The following RASSF8 variants were observed in gnomAD, a reference collection of about 807,000 sequenced individuals.
RASSF8 encodes ras association domain-containing protein 8.
In RASSF8, 22 loss-of-function variants were observed where a neutral mutation model predicts 48.5. That is an observed-to-expected ratio of 0.45 (90% CI 0.32 to 0.65). The LOEUF (loss-of-function observed/expected upper bound fraction) is 0.65, where lower values mean the gene tolerates loss of function less well. RASSF8 is among the 30% of genes least tolerant of loss of function. The probability of loss-of-function intolerance (pLI) is 0.03; values close to 1 mark genes in which losing one functional copy is unlikely to be tolerated. For synonymous variants in RASSF8, 127 were observed against 171.5 expected (o/e 0.74, Z 2.03); for missense variants, 418 against 489.2 (o/e 0.85, Z 1.37).
chr12:25,997,663 A>T (rs769859736), intron 2 of RASSF8, among the ~76,000 whole-genome samples: 4 of 152,132 alleles, frequency 2.6e-5, no homozygotes, highest in South Asian at 4.1e-4. Flanking sequence ...TGCAGAGAAA[A>T]CTACTTGGTA....
chr12:26,078,983 A>G, intron 5 of RASSF8: 1 of 1,506,520 alleles, frequency 6.6e-7, no homozygotes, highest in Admixed American at 2.3e-5. Context: ...AAACAAATTC[A>G]CCAACCTTAA....
At chr12:25,966,320 A>G (rs10842643) in intron 1 of RASSF8, among the ~76,000 whole-genome samples, 9,998 of 152,262 alleles carry the variant, frequency 0.066, 713 homozygotes, top group East Asian at 0.27. Flanking sequence ...TAGTACAGTC[A>G]TAGTTCCCAA....
intron 2 of RASSF8, 77 bp from the exon 3 acceptor site, chr12:26,055,154 ATTTGT>A (rs760434981): frequency 6.9e-6 from 4 of 576,828 alleles, no homozygotes; most frequent in African/African-American, 1.9e-5. Flanking sequence ...ATATGTTAAA[ATTTGT>A]TTTGTGTAAT....
At chr12:26,018,128 T>C (rs1232075546) in intron 2 of RASSF8, among the ~76,000 whole-genome samples, 1 of 152,240 alleles carries the variant, frequency 6.6e-6, no homozygotes, top group Non-Finnish European at 1.5e-5. Flanking sequence ...GAGATGAATC[T>C]TTGAGAATTT....
At chr12:25,982,056 G>A (rs1191969314) in intron 1 of RASSF8, among the ~76,000 whole-genome samples, 1 of 152,112 alleles carries the variant, frequency 6.6e-6, no homozygotes, top group Non-Finnish European at 1.5e-5. Flanking sequence ...TCGAAGATAC[G>A]GGGTACCACT....
At chr12:25,987,468 A>G (rs1941913881) in intron 1 of RASSF8, among the ~76,000 whole-genome samples, 1 of 152,200 alleles carries the variant, frequency 6.6e-6, no homozygotes, top group Admixed American at 6.5e-5. Context: ...ATTCCATACT[A>G]AGGCAGGAAA....
intron 2 of RASSF8, among the ~76,000 whole-genome samples, chr12:26,053,902 G>A (rs1943546891): frequency 6.6e-6 from 1 of 152,212 alleles, no homozygotes; most frequent in Non-Finnish European, 1.5e-5. Context: ...CCCCTTGCAT[G>A]TGTTCTGACT....
intron 2 of RASSF8, among the ~76,000 whole-genome samples, chr12:26,000,982 CTTTTTTTTTTT>C (rs34793650): frequency 1.2e-5 from 1 of 81,054 alleles, no homozygotes; most frequent in Non-Finnish European, 2.2e-5. Flanking sequence ...TTAAAATTTC[CTTTTTTTTTTT>C]TTTTTTTTTT....
intron 2 of RASSF8, among the ~76,000 whole-genome samples, chr12:26,034,579 G>A (rs1379927356): frequency 6.6e-6 from 1 of 152,054 alleles, no homozygotes; most frequent in African/African-American, 2.4e-5. Flanking sequence ...TTTTCAGTGG[G>A]AATGACTAAG....
chr12:25,993,949 A>G (rs1205339596), intron 1 of RASSF8, among the ~76,000 whole-genome samples: 1 of 152,200 alleles, frequency 6.6e-6, no homozygotes, highest in Non-Finnish European at 1.5e-5. Context: ...AGCCATTGGC[A>G]TTTTTATAAC....
chr12:26,049,789 T>C (rs1943451121), intron 2 of RASSF8, among the ~76,000 whole-genome samples: 1 of 152,226 alleles, frequency 6.6e-6, no homozygotes, highest in East Asian at 1.9e-4. Context: ...CGGAATTCTT[T>C]TTTTTGTTTT....
chr12:25,991,470 G>A (rs1942013297), intron 1 of RASSF8, among the ~76,000 whole-genome samples: 1 of 151,718 alleles, frequency 6.6e-6, no homozygotes, highest in African/African-American at 2.4e-5. Flanking sequence ...ATCCAGGAAT[G>A]GCTTGGGTGA....
At chr12:26,009,468 TG>T (rs1207198545) in intron 2 of RASSF8, among the ~76,000 whole-genome samples, 84 of 152,306 alleles carry the variant, frequency 5.5e-4, no homozygotes, top group African/African-American at 2.0e-3. Context: ...CTGGGCATCC[TG>T]TAGTGCACAG....
At chr12:26,059,371 C>T (rs2137267585) in intron 3 of RASSF8, among the ~76,000 whole-genome samples, 1 of 152,304 alleles carries the variant, frequency 6.6e-6, no homozygotes, top group Non-Finnish European at 1.5e-5. Flanking sequence ...CTCTTAGCTT[C>T]ACATGTAAAA....
chr12:26,046,448 A>T (rs140310707), intron 2 of RASSF8, among the ~76,000 whole-genome samples: 1 of 152,180 alleles, frequency 6.6e-6, no homozygotes, highest in East Asian at 1.9e-4. Context: ...TTAATAATTC[A>T]TGTCACATAG....
intron 2 of RASSF8, among the ~76,000 whole-genome samples, chr12:26,031,205 A>G (rs1191462209): frequency 6.6e-6 from 1 of 151,996 alleles, no homozygotes; most frequent in African/African-American, 2.4e-5. Flanking sequence ...TTGAGGTATT[A>G]TGAGGGTTTG....
downstream of RASSF8, among the ~76,000 whole-genome samples, chr12:26,073,590 ATAGCTG>A (rs1944037806): frequency 6.6e-6 from 1 of 151,894 alleles, no homozygotes. Context: ...TAAAAACAAA[ATAGCTG>A]GGCGTGGTGG....
chr12:25,968,867 G>A (rs1941418991), intron 1 of RASSF8, among the ~76,000 whole-genome samples: 1 of 152,212 alleles, frequency 6.6e-6, no homozygotes, highest in South Asian at 2.1e-4. Context: ...TGCTAGGGGT[G>A]GGAGTAGAGG....
chr12:25,977,351 G>A (rs762104520), intron 1 of RASSF8, among the ~76,000 whole-genome samples: 2 of 152,138 alleles, frequency 1.3e-5, no homozygotes, highest in South Asian at 2.1e-4. Context: ...GGCTATAACC[G>A]TGACCATTAC....
Sources: gnomAD v4.1 joint callset for allele counts (sites outside exome capture counted in the v4.1 genomes callset) on GRCh38, gnomAD v4.1.1 for gene constraint, MANE v1.5 for transcripts, NCBI Gene and HGNC (gene_info 2026-07-23, HGNC 2026-07-21) for gene names.